NIPBL: variants seen among roughly 807,000 people sequenced by gnomAD.
NIPBL encodes NIPBL cohesin loading factor, also known as nipped-B-like protein.
In NIPBL, 19 loss-of-function variants were observed where a neutral mutation model predicts 321.8. The ratio of observed to expected loss-of-function variants is 0.06; its 90% CI spans 0.04 to 0.09. The LOEUF (loss-of-function observed/expected upper bound fraction) is 0.09, where lower values mean the gene tolerates loss of function less well. Ranked by LOEUF, NIPBL falls within the 10% of genes least tolerant of loss-of-function variation. The probability of loss-of-function intolerance (pLI) is 1.00; values close to 1 mark genes in which losing one functional copy is unlikely to be tolerated. For missense variants in NIPBL, 2,210 were observed against 3,327.0 expected, an observed-to-expected ratio of 0.66 and a Z score of 8.26; for synonymous variants, 1,106 against 1,114.1, an observed-to-expected ratio of 0.99 and a Z score of 0.14.
intron 21 of NIPBL, among the ~76,000 whole-genome samples, chr5:37,013,405 C>A (rs192277412): frequency 6.6e-6 from 1 of 151,934 alleles, no homozygotes; most frequent in East Asian, 1.9e-4. Flanking sequence ...CTCCTCACTT[C>A]CCAGACAGGG....
At chr5:36,944,341 C>G (rs1028876236) in intron 1 of NIPBL, among the ~76,000 whole-genome samples, 2 of 151,982 alleles carry the variant, frequency 1.3e-5, no homozygotes, top group Admixed American at 6.6e-5. Context: ...CCACGTATAC[C>G]TTTTCTTGAT....
chr5:36,972,852 G>A (rs1580364643), intron 8 of NIPBL, among the ~76,000 whole-genome samples: 1 of 151,986 alleles, frequency 6.6e-6, no homozygotes, highest in South Asian at 2.1e-4. Context: ...TTTTATCTCT[G>A]CCTTTTAAAA....
chr5:37,057,047 A>C (rs1579598993), intron 42 of NIPBL, 139 bp from the exon 43 acceptor site: 2 of 769,356 alleles, frequency 2.6e-6, no homozygotes, highest in Non-Finnish European at 2.2e-6. Flanking sequence ...GTCTCTCCCC[A>C]CTCTCTCCGT....
intron 33 of NIPBL, among the ~76,000 whole-genome samples, chr5:37,037,395 ATATATATATATATG>A (rs1008613851): frequency 3.5e-5 from 5 of 141,020 alleles, no homozygotes; most frequent in Admixed American, 1.4e-4. Flanking sequence ...CTCAAAAAAT[ATATATATATATATG>A]TATATATATA....
intron 43 of NIPBL, among the ~76,000 whole-genome samples, chr5:37,058,609 T>C (rs1754343253): frequency 6.6e-6 from 1 of 152,216 alleles, no homozygotes; most frequent in Non-Finnish European, 1.5e-5. Flanking sequence ...TTTATAACTA[T>C]CTTTTATTAC....
At chr5:36,958,343 G>C in intron 4 of NIPBL, 112 bp downstream of exon 4, 1 of 988,162 alleles carries the variant, frequency 1.0e-6, no homozygotes, top group Non-Finnish European at 1.6e-6. Context: ...TATGCCTTCA[G>C]TCAAGCCAAG....
chr5:36,951,279 G>T (rs1740258073), intron 1 of NIPBL, among the ~76,000 whole-genome samples: 1 of 152,072 alleles, frequency 6.6e-6, no homozygotes, highest in Admixed American at 6.5e-5. Context: ...TGCTCTATTT[G>T]TTACTCACCT....
rs191240952 is a variant in NIPBL at position 36,999,272 on chromosome 5, A to G, written c.3305-1101A>G. Among the ~76,000 whole-genome samples the G allele has an allele frequency of 8.2e-3, 1,245 of 152,338 alleles. 12 individuals carry two copies. Among genetic ancestry groups the G allele is most frequent in the African/African-American group, 0.028 (1,183 of 41,570 alleles). On this transcript the variant is annotated intron_variant, in intron 11 of 46. Coordinates refer to ENST00000282516, the MANE Select transcript of NIPBL (RefSeq NM_133433.4). ...AAGTATTTGTGTATTTATCATAGTTAGGGATTCAGAAAAGAGCAGTTGCTA... is the reference window on the plus strand; with the variant it reads ...AAGTATTTGTGTATTTATCATAGTTGGGGATTCAGAAAAGAGCAGTTGCTA...
chr5:36,911,505 T>G (rs2149546190), intron 1 of NIPBL, among the ~76,000 whole-genome samples: 1 of 152,320 alleles, frequency 6.6e-6, no homozygotes, highest in South Asian at 2.1e-4. Flanking sequence ...CTGATCTTAC[T>G]TGAATCTTTT....
At chr5:37,033,440 G>C (rs1340502774) in intron 32 of NIPBL, among the ~76,000 whole-genome samples, 1 of 151,592 alleles carries the variant, frequency 6.6e-6, no homozygotes, top group Non-Finnish European at 1.5e-5. Context: ...AGAGATCCCA[G>C]AAAACAGGCT....
In NIPBL at chr5:37,000,355, A is replaced by C. The variant is rs748454721; in HGVS notation, c.3305-18A>C. The C allele has an allele frequency of 6.2e-7, 1 of 1,609,476 alleles. No homozygotes were observed. The highest frequency in any genetic ancestry group is 1.7e-5 in the Admixed American group (1 of 59,778). On this transcript the variant is annotated intron_variant, in intron 11 of 46. Coordinates refer to ENST00000282516, the MANE Select transcript of NIPBL (RefSeq NM_133433.4). ...TTTTAAATGAGGTAAATTATTTGTC[A>C]TGGGGATTTGCTTCTAGCCTCTAGG...
At chr5:36,885,594 A>C (rs1318118792) in intron 1 of NIPBL, 1 of 533,740 alleles carries the variant, frequency 1.9e-6, no homozygotes, top group Non-Finnish European at 3.7e-6. Context: ...CATTACTTCA[A>C]GACCATCGAG....
Position 36,918,150 on chromosome 5 carries a change from C to A in NIPBL, c.-79-35468C>A, listed in dbSNP as rs2149554073. 2.6e-5 allele frequency among the ~76,000 whole-genome samples: 4 copies of A among 152,240 alleles called. No individual in the cohort carries two copies. In the South Asian group the frequency reaches 8.3e-4, roughly 32 times the overall value. ...TTTTCACGATATTGATTCTTCCTAC[C>A]CATGAGCATGGAATGTTCTTCCATT... On this transcript the variant is annotated intron_variant, in intron 1 of 46. Coordinates refer to ENST00000282516, the MANE Select transcript of NIPBL (RefSeq NM_133433.4).
At chr5:36,955,787 C>T (rs1740872898) in intron 3 of NIPBL, 150 bp downstream of exon 3, 1 of 654,898 alleles carries the variant, frequency 1.5e-6, no homozygotes, top group Non-Finnish European at 2.7e-6. Flanking sequence ...AGTCTTATTG[C>T]AATAATAGAT....
Position 36,976,070 on chromosome 5 carries a change from A to G in NIPBL, c.1163A>G (p.Asn388Ser). ...GTGGAAAATAGCAATGTTTCAGAAAATGATATTCCTTTTAATGTGCAGTAC... is the reference window on the plus strand; with the variant it reads ...GTGGAAAATAGCAATGTTTCAGAAAGTGATATTCCTTTTAATGTGCAGTAC... ...SGVENSNVSE[N>S]DIPFNVQYPG... is the part of the protein sequence containing the mutation. Residue 388 changes from asparagine to serine, a missense_variant, in exon 9 of 47, where the codon AAT (asparagine) becomes AGT (serine). By Grantham distance (46) the Asn-to-Ser change is conservative (BLOSUM62 1). Around this residue, in one of 14 missense-constraint regions of NIPBL, gnomAD observed 464 missense variants for 529.5 expected, o/e 0.88. Coordinates refer to ENST00000282516, the MANE Select transcript of NIPBL (RefSeq NM_133433.4). The G allele has an allele frequency of 6.2e-7, 1 of 1,614,032 alleles. No homozygotes were observed. Among genetic ancestry groups the G allele is most frequent in the Non-Finnish European group, 8.5e-7 (1 of 1,179,936 alleles).
chr5:36,922,480 A>G (rs1335030017), intron 1 of NIPBL, among the ~76,000 whole-genome samples: 2 of 152,112 alleles, frequency 1.3e-5, no homozygotes, highest in Non-Finnish European at 2.9e-5. Flanking sequence ...CTGAGGGGTC[A>G]GTTTTCTTTT....
chr5:37,046,611 T>G (rs576853374), intron 38 of NIPBL, among the ~76,000 whole-genome samples: 1 of 152,352 alleles, frequency 6.6e-6, no homozygotes, highest in Non-Finnish European at 1.5e-5. Flanking sequence ...CACATCTGGT[T>G]AAAACAATGA....
chr5:36,953,532 C>CT (rs893616885), intron 1 of NIPBL, 86 bp from the exon 2 acceptor site: 23 of 655,828 alleles, frequency 3.5e-5, no homozygotes, highest in Non-Finnish European at 4.6e-5. Flanking sequence ...AAAGCAGTAA[C>CT]TTTTTTTTAT....
chr5:37,045,319 A>G (rs1268803236), intron 36 of NIPBL, 124 bp from the exon 37 acceptor site: 2 of 685,286 alleles, frequency 2.9e-6, no homozygotes, highest in Non-Finnish European at 4.9e-6. Context: ...ATGTCACTGC[A>G]CTCCAGCCTG....
Sources: gnomAD v4.1 joint callset for allele counts (sites outside exome capture counted in the v4.1 genomes callset) on GRCh38, gnomAD v4.1.1 for gene constraint, gnomAD v4.1.1 regional missense constraint, MANE v1.5 for transcripts, NCBI Gene and HGNC (gene_info 2026-07-23, HGNC 2026-07-21) for gene names.